Variants in MCF2L2 observed in about 807,000 individuals in gnomAD.
MCF2L2 encodes the protein MCF.2 cell line derived transforming sequence-like 2, also known as probable guanine nucleotide exchange factor MCF2L2.
A neutral mutation model predicts 150.2 loss-of-function variants in MCF2L2; 102 were observed. The ratio of observed to expected loss-of-function variants is 0.68; its 90% CI spans 0.58 to 0.80. The LOEUF (loss-of-function observed/expected upper bound fraction) is 0.80, where lower values mean the gene tolerates loss of function less well. Among genes scored for constraint, MCF2L2 ranks in the 30% least tolerant of loss-of-function variants. The pLI is 0.00. For synonymous variants in MCF2L2, 465 were observed against 491.3 expected (o/e 0.95, Z 0.71); for missense variants, 1,256 against 1,372.8 (o/e 0.91, Z 1.34).
intron 14 of MCF2L2, among the ~76,000 whole-genome samples, chr3:183,286,288 G>T (rs915799651): frequency 6.6e-6 from 1 of 152,030 alleles, no homozygotes; most frequent in Non-Finnish European, 1.5e-5. Flanking sequence ...AAGGGCAAAG[G>T]GGTGGCATTT....
chr3:183,354,186 C>G (rs1401334975), intron 3 of MCF2L2, among the ~76,000 whole-genome samples: 1 of 152,186 alleles, frequency 6.6e-6, no homozygotes, highest in Non-Finnish European at 1.5e-5. Context: ...TGCCAAGTTC[C>G]AACCTGACTC....
At chr3:183,321,971 C>A (rs537436285) in intron 6 of MCF2L2, among the ~76,000 whole-genome samples, 7 of 152,370 alleles carry the variant, frequency 4.6e-5, no homozygotes, top group African/African-American at 1.7e-4. Flanking sequence ...ATAAAGGATG[C>A]CTTCTGTGCC....
chr3:183,303,335 G>A (rs1030817352), intron 10 of MCF2L2, among the ~76,000 whole-genome samples: 8 of 152,162 alleles, frequency 5.3e-5, no homozygotes, highest in Non-Finnish European at 7.4e-5. Context: ...GCGGTGACCT[G>A]CTTGGCTGGA....
chr3:183,201,089 G>A (rs1006013062), intron 25 of MCF2L2, among the ~76,000 whole-genome samples: 1 of 152,174 alleles, frequency 6.6e-6, no homozygotes, highest in Non-Finnish European at 1.5e-5. Flanking sequence ...TTTGGCTTAG[G>A]ATTATCTTGA....
intron 25 of MCF2L2, among the ~76,000 whole-genome samples, chr3:183,204,891 A>C (rs1482174731): frequency 6.6e-6 from 1 of 152,228 alleles, no homozygotes; most frequent in Non-Finnish European, 1.5e-5. Context: ...AAAGTGAAAG[A>C]AGCTAGACAG....
chr3:183,323,333 C>T lies in MCF2L2; in HGVS notation c.505G>A (p.Val169Ile). ...TKVPIIMVNS[V>I]SDLHGYIDKS... ...TCGATGTAGCCGTGAAGGTCAGAGA[C>T]AGAGTTTACCATGATGATCTGTAAG... is the stretch of plus-strand genomic sequence containing the variant. The change falls in exon 6 of 30, where the codon GTC becomes ATC. Residue 169 changes from valine (V) to isoleucine (I), a missense_variant. Coordinates refer to ENST00000328913, the MANE Select transcript of MCF2L2 (RefSeq NM_015078.4). The T allele has an allele frequency of 6.2e-7, 1 of 1,611,622 alleles. No individual in the cohort carries two copies. The highest frequency in any genetic ancestry group is 1.1e-5 in the South Asian group (1 of 90,962).
intron 1 of MCF2L2, among the ~76,000 whole-genome samples, chr3:183,420,804 C>T (rs1715842529): frequency 6.6e-6 from 1 of 152,118 alleles, no homozygotes; most frequent in Non-Finnish European, 1.5e-5. Flanking sequence ...ACCATCAGAA[C>T]CCGTGAGAGC....
intron 3 of MCF2L2, among the ~76,000 whole-genome samples, chr3:183,346,255 C>G (rs1385443489): frequency 6.6e-6 from 1 of 151,252 alleles, no homozygotes; most frequent in Non-Finnish European, 1.5e-5. Flanking sequence ...GGGATGCACT[C>G]AACATATGCA....
At chr3:183,250,208 C>G (rs1576959668) in intron 15 of MCF2L2, among the ~76,000 whole-genome samples, 1 of 152,160 alleles carries the variant, frequency 6.6e-6, no homozygotes, top group Admixed American at 6.5e-5. Context: ...TTTATACATC[C>G]CATTTTAGAC....
chr3:183,259,523 G>T (rs923512042), intron 15 of MCF2L2, among the ~76,000 whole-genome samples: 11 of 152,088 alleles, frequency 7.2e-5, no homozygotes, highest in African/African-American at 2.4e-4. Context: ...TATATCTTCA[G>T]ATTTTCCCTG....
chr3:183,262,877 C>T (rs55990957), intron 15 of MCF2L2, among the ~76,000 whole-genome samples: 2,316 of 151,998 alleles, frequency 0.015, 57 homozygotes, highest in African/African-American at 0.052. Flanking sequence ...CCTGGTAAGT[C>T]CCATTTCCCC....
rs114609295 is a variant in MCF2L2 at position 183,250,713 on chromosome 3, G to A, written c.1863-19696C>T. Reference sequence around the variant, plus strand: ...AGGCTGCGTGTGGTGGGAGGTGGCCGGGGGGCAGAGAAAGAGGCGGCGGAG... The same window carrying A: ...AGGCTGCGTGTGGTGGGAGGTGGCCAGGGGGCAGAGAAAGAGGCGGCGGAG... On this transcript the variant is annotated intron_variant, in intron 15 of 29. Coordinates refer to ENST00000328913, the MANE Select transcript of MCF2L2 (RefSeq NM_015078.4). Among the ~76,000 whole-genome samples, 762 of 152,282 alleles carry A rather than the reference G, an allele frequency of 5.0e-3. 10 individuals are homozygous for A. Among genetic ancestry groups the A allele is most frequent in the South Asian group, 0.044 (212 of 4,826 alleles).
intron 15 of MCF2L2, chr3:183,269,608 G>A (rs1274748210): frequency 1.3e-5 from 7 of 555,726 alleles, no homozygotes; most frequent in African/African-American, 1.9e-5. Flanking sequence ...TCTACAGGGT[G>A]TTCCATTCTT....
chr3:183,304,350 T>C (rs987820785), intron 10 of MCF2L2, among the ~76,000 whole-genome samples: 1 of 152,076 alleles, frequency 6.6e-6, no homozygotes. Flanking sequence ...TAGTGGCTAG[T>C]TAAAAGGACT....
chr3:183,423,494 CATTTT>C (rs1005855751), intron 1 of MCF2L2, among the ~76,000 whole-genome samples: 6 of 152,088 alleles, frequency 3.9e-5, no homozygotes, highest in African/African-American at 1.4e-4. Context: ...CATATGAAGT[CATTTT>C]AGAACAATGA....
In MCF2L2 at chr3:183,205,895, T is replaced by G; in HGVS notation, c.2865A>C (p.Glu955Asp). The G allele has an allele frequency of 6.2e-7, 1 of 1,613,822 alleles. No individual in the cohort carries two copies. The highest frequency in any genetic ancestry group is 8.5e-7 in the Non-Finnish European group (1 of 1,179,710). Residue 955 changes from glutamate (E) to aspartate (D), a missense_variant, in exon 25 of 30, where the codon GAA becomes GAC. Glu to Asp is a conservative substitution (Grantham distance 45). Transcript: ENST00000328913. ...WFSEISKLLM[E>D]QQNNIKDQGN... ...ACCTACCTTTGATATTATTTTGTTG[T>G]TCCATCAATAATTTACTTATTTCTG... is the stretch of plus-strand genomic sequence containing the variant.
intron 15 of MCF2L2, among the ~76,000 whole-genome samples, chr3:183,242,639 G>T (rs1724080698): frequency 6.6e-6 from 1 of 152,240 alleles, no homozygotes; most frequent in Admixed American, 6.5e-5. Flanking sequence ...TGCTGCAGGG[G>T]TGGGGCCCTC....
At chr3:183,385,206 T>C (rs899658525) in intron 2 of MCF2L2, among the ~76,000 whole-genome samples, 11 of 152,246 alleles carry the variant, frequency 7.2e-5, no homozygotes, top group African/African-American at 2.7e-4. Flanking sequence ...ATCTGTTTAT[T>C]TTAACCTTTT....
intron 7 of MCF2L2, among the ~76,000 whole-genome samples, chr3:183,314,323 G>A (rs1560017260): frequency 6.6e-6 from 1 of 152,190 alleles, no homozygotes; most frequent in Non-Finnish European, 1.5e-5. Flanking sequence ...AGTTTGCTTA[G>A]AAGTTTGATA....
Sources: gnomAD v4.1 joint callset for allele counts (sites outside exome capture counted in the v4.1 genomes callset) on GRCh38, gnomAD v4.1.1 for gene constraint, MANE v1.5 for transcripts, NCBI Gene and HGNC (gene_info 2026-07-23, HGNC 2026-07-21) for gene names.